The following KLF12 variants were observed in gnomAD, a reference collection of about 807,000 sequenced individuals.
The protein encoded by KLF12 is Krueppel-like factor 12.
In KLF12, 9 loss-of-function variants were observed where a neutral mutation model predicts 37.8. The ratio of observed to expected loss-of-function variants is 0.24; its 90% CI spans 0.14 to 0.42. The LOEUF is 0.42. Among genes scored for constraint, KLF12 ranks in the 10% least tolerant of loss-of-function variants. KLF12 has a pLI of 1.00. For missense variants in KLF12, 411 were observed against 516.0 expected, an observed-to-expected ratio of 0.80 and a Z score of 1.97; for synonymous variants, 208 against 202.1, an observed-to-expected ratio of 1.03 and a Z score of -0.25.
intron 1 of KLF12, among the ~76,000 whole-genome samples, chr13:74,070,858 A>G (rs981676476): frequency 6.6e-6 from 1 of 152,228 alleles, no homozygotes; most frequent in East Asian, 1.9e-4. Flanking sequence ...CATGAGGAAA[A>G]AAAAATAATT....
At chr13:74,169,732 G>A in the KLF12 span, among the ~76,000 whole-genome samples, 1 of 152,154 alleles carries the variant, frequency 6.6e-6, no homozygotes, top group African/African-American at 2.4e-5. Context: ...AATGCCCCTG[G>A]ATCATTGAGT....
At chr13:73,738,885 A>G (rs1037268013) in intron 6 of KLF12, among the ~76,000 whole-genome samples, 4 of 152,146 alleles carry the variant, frequency 2.6e-5, no homozygotes, top group African/African-American at 9.7e-5. Flanking sequence ...CTGTGCCACT[A>G]TGGACAAGTA....
At chr13:74,109,892 A>G (rs373573454) in intron 1 of KLF12, among the ~76,000 whole-genome samples, 10 of 152,318 alleles carry the variant, frequency 6.6e-5, no homozygotes, top group African/African-American at 2.4e-5. Context: ...CTGGCAGTAT[A>G]TATCACATTT....
At chr13:74,227,532 T>G in the KLF12 span, among the ~76,000 whole-genome samples, 1 of 152,132 alleles carries the variant, frequency 6.6e-6, no homozygotes. Context: ...AGTGGTGTAT[T>G]CATTTTGATT....
At chr13:73,728,020 A>G (rs1876793376) in intron 6 of KLF12, among the ~76,000 whole-genome samples, 1 of 152,226 alleles carries the variant, frequency 6.6e-6, no homozygotes, top group Non-Finnish European at 1.5e-5. Flanking sequence ...GTAAAAGAAA[A>G]TGCAGCTGAA....
chr13:74,238,858 T>C, the KLF12 span, among the ~76,000 whole-genome samples: 1 of 152,216 alleles, frequency 6.6e-6, no homozygotes, highest in East Asian at 1.9e-4. Context: ...TTGCTAGCGG[T>C]CTGTCAATTT....
intron 3 of KLF12, among the ~76,000 whole-genome samples, chr13:73,884,975 T>C (rs1034915582): frequency 2.0e-5 from 3 of 152,160 alleles, no homozygotes; most frequent in African/African-American, 7.2e-5. Flanking sequence ...TCTCCGGCAG[T>C]CTTCATAATC....
intron 6 of KLF12, among the ~76,000 whole-genome samples, chr13:73,760,614 C>A (rs570078699): frequency 4.6e-5 from 7 of 152,192 alleles, no homozygotes; most frequent in Non-Finnish European, 1.0e-4. Context: ...TGAGCCACCA[C>A]ATTTGGCCAA....
At chr13:73,928,096 T>A (rs1180998507) in intron 3 of KLF12, among the ~76,000 whole-genome samples, 1 of 152,166 alleles carries the variant, frequency 6.6e-6, no homozygotes, top group African/African-American at 2.4e-5. Flanking sequence ...GACCTCATGA[T>A]CTGCCTGCCT....
At chr13:73,751,736 A>G (rs1439094870) in intron 6 of KLF12, among the ~76,000 whole-genome samples, 1 of 152,168 alleles carries the variant, frequency 6.6e-6, no homozygotes, top group Non-Finnish European at 1.5e-5. Flanking sequence ...ACATCAGGGT[A>G]CTTGGTGTTT....
chr13:74,058,050 T>TC lies in KLF12; in HGVS notation c.-31-62998dup, dbSNP rs1273254169. Among the ~76,000 whole-genome samples the TC allele has an allele frequency of 2.7e-5, 4 of 149,924 alleles. No individual in the cohort carries two copies. In the East Asian group the frequency reaches 5.9e-4, roughly 22 times the overall value. ...GGCATGATCTCGGCTCACTGCAACC[T>TC]CCATCTCCCAGGTTCAAGCAATTCT... is the stretch of plus-strand genomic sequence containing the variant. On this transcript the variant is annotated intron_variant, in intron 1 of 7. Transcript: ENST00000377669.
chr13:73,960,926 C>T (rs541158693), intron 2 of KLF12, among the ~76,000 whole-genome samples: 100 of 152,074 alleles, frequency 6.6e-4, no homozygotes, highest in African/African-American at 2.4e-3. Flanking sequence ...AATTATTGGC[C>T]AAATACTTTA....
At chr13:73,742,155 G>GA (rs373734635) in intron 6 of KLF12, among the ~76,000 whole-genome samples, 28 of 151,606 alleles carry the variant, frequency 1.8e-4, no homozygotes, top group Non-Finnish European at 2.7e-4. Flanking sequence ...TAAGCAAAGG[G>GA]AAAAAAAATA....
At chr13:73,813,117 C>A in intron 5 of KLF12, 35 bp downstream of exon 5, 1 of 1,608,396 alleles carries the variant, frequency 6.2e-7, no homozygotes, top group Non-Finnish European at 8.5e-7. Flanking sequence ...AACACCTTGG[C>A]AATTCTTAAT....
intron 2 of KLF12, among the ~76,000 whole-genome samples, chr13:73,993,505 T>C (rs935145922): frequency 6.6e-6 from 1 of 152,138 alleles, no homozygotes; most frequent in Non-Finnish European, 1.5e-5. Context: ...TTTTCAAATA[T>C]AAAAATTTAA....
chr13:73,917,550 T>C (rs1272075407), intron 3 of KLF12, among the ~76,000 whole-genome samples: 1 of 152,238 alleles, frequency 6.6e-6, no homozygotes, highest in African/African-American at 2.4e-5. Context: ...ATGTACCAAG[T>C]TGGACTCTAC....
the KLF12 span, among the ~76,000 whole-genome samples, chr13:74,249,516 T>C: frequency 7.2e-3 from 1,095 of 152,186 alleles, 3 homozygotes; most frequent in Non-Finnish European, 0.012. Context: ...CATCTTGGGT[T>C]CAGGATGGAT....
At position 73,715,510 on chromosome 13, in the gene KLF12, A is replaced by G; in HGVS notation, c.885T>C (p.Phe295=). Reference sequence around the variant, plus strand: ...TCTGGCGTCTTGTGCTCTCAATACTAAATGGTGAAATTGAACTGGAAAAAG... The same window carrying G: ...TCTGGCGTCTTGTGCTCTCAATACTGAATGGTGAAATTGAACTGGAAAAAG... The change falls in exon 7 of 8, where the codon TTT becomes TTC. Residue 295 remains phenylalanine, a synonymous_variant. Coordinates refer to ENST00000377669, the MANE Select transcript of KLF12 (RefSeq NM_007249.5). 1 of 1,613,370 alleles carries G rather than the reference A, an allele frequency of 6.2e-7. No homozygotes were observed. The highest frequency in any genetic ancestry group is 8.5e-7 in the Non-Finnish European group (1 of 1,179,774).
intron 1 of KLF12, among the ~76,000 whole-genome samples, chr13:74,000,906 G>A (rs1314507375): frequency 6.6e-6 from 1 of 152,170 alleles, no homozygotes; most frequent in Non-Finnish European, 1.5e-5. Context: ...GCTATGCTCA[G>A]ATTCAAATGT....
Sources: allele counts gnomAD v4.1 joint callset (sites outside exome capture counted in the v4.1 genomes callset), GRCh38; gene constraint gnomAD v4.1.1; transcripts MANE v1.5; gene names NCBI Gene and HGNC (gene_info 2026-07-23, HGNC 2026-07-21).